The following MGAT4C variants were observed in gnomAD, a reference collection of about 807,000 sequenced individuals.
MGAT4C encodes the protein MGAT4 family member C.
MGAT4C carries 19 observed loss-of-function variants against 40.1 expected under a neutral mutation model. That is an observed-to-expected ratio of 0.47 (90% CI 0.33 to 0.70). MGAT4C has a LOEUF of 0.70. Ranked by LOEUF, MGAT4C falls within the 30% of genes least tolerant of loss-of-function variation. The probability of loss-of-function intolerance (pLI) is 0.02; values close to 1 mark genes in which losing one functional copy is unlikely to be tolerated. For synonymous variants in MGAT4C, 181 were observed against 187.1 expected (o/e 0.97, Z 0.27); for missense variants, 491 against 563.2 (o/e 0.87, Z 1.30).
intron 3 of MGAT4C, among the ~76,000 whole-genome samples, chr12:86,426,040 T>C (rs1434196313): frequency 6.6e-6 from 1 of 152,206 alleles, no homozygotes; most frequent in Non-Finnish European, 1.5e-5. Context: ...AAGCAAACTA[T>C]GTTAATGCAA....
rs1183714286 is a variant in MGAT4C, at chr12:86,784,248, G to A, written c.-262+54418C>T. Among the ~76,000 whole-genome samples the A allele has an allele frequency of 2.0e-5, 3 of 152,180 alleles. No homozygotes were observed. In the East Asian group the frequency reaches 5.8e-4, roughly 29 times the overall value. On this transcript the variant is annotated intron_variant, in intron 1 of 7. Coordinates refer to the MGAT4C transcript ENST00000548651. ...TGTCTTTAGAGAAGTTTCAACAGGA[G>A]ATGGAAAAAGAGATATGGAGTGATG...
intron 2 of MGAT4C, among the ~76,000 whole-genome samples, chr12:86,511,034 A>AT (rs1455283640): frequency 6.6e-6 from 1 of 152,220 alleles, no homozygotes; most frequent in Non-Finnish European, 1.5e-5. Context: ...TCGACAGAAT[A>AT]TACATTTTTT....
chr12:86,009,055 T>C (rs1316900681), intron 2 of MGAT4C, among the ~76,000 whole-genome samples: 1 of 152,194 alleles, frequency 6.6e-6, no homozygotes, highest in African/African-American at 2.4e-5. Flanking sequence ...TTTCCAATAT[T>C]GTTGTCAGCT....
Position 85,989,473 on chromosome 12 carries a change from G to T in MGAT4C, c.74C>A (p.Thr25Lys), listed in dbSNP as rs757749414. ...DKMRCLRKRS[T>K]VSFLGVLVIF... ...GACAAGAACTCCCAAGAATGACACT[G>T]TAGAACGTTTTCTCAGGCATCTCAT... is the stretch of plus-strand genomic sequence containing the variant. Residue 25 changes from threonine (T) to lysine (K), a missense_variant, in exon 3 of 5, where the codon ACA becomes AAA. Transcript: ENST00000611864. 1.9e-6 allele frequency: 3 copies of T among 1,607,332 alleles called. No homozygotes were observed. The highest frequency in any genetic ancestry group is 2.6e-6 in the Non-Finnish European group (3 of 1,175,636).
chr12:86,779,014 A>T (rs35101278), intron 1 of MGAT4C, among the ~76,000 whole-genome samples: 57,790 of 149,030 alleles, frequency 0.39, 11,266 homozygotes, highest in Non-Finnish European at 0.42. Flanking sequence ...ATTTCACTAA[A>T]AAAAAAAAAA....
chr12:86,325,581 TA>T (rs1030030187), intron 4 of MGAT4C, among the ~76,000 whole-genome samples: 1 of 152,122 alleles, frequency 6.6e-6, no homozygotes, highest in African/African-American at 2.4e-5. Flanking sequence ...TTAAAACAAT[TA>T]AAATAGTGCT....
intron 2 of MGAT4C, among the ~76,000 whole-genome samples, chr12:86,701,231 T>G (rs1300008479): frequency 1.3e-5 from 2 of 152,108 alleles, no homozygotes; most frequent in Non-Finnish European, 2.9e-5. Context: ...CTTGTAGATG[T>G]TACTTTTTTT....
intron 2 of MGAT4C, among the ~76,000 whole-genome samples, chr12:86,522,026 C>A (rs1958803221): frequency 6.6e-6 from 1 of 151,998 alleles, no homozygotes; most frequent in African/African-American, 2.4e-5. Flanking sequence ...GTTTTCTAGA[C>A]AAAGCATCAT....
intron 2 of MGAT4C, among the ~76,000 whole-genome samples, chr12:86,461,293 C>T (rs1006407265): frequency 7.0e-6 from 1 of 142,544 alleles, no homozygotes; most frequent in Admixed American, 7.3e-5. Context: ...GGTCGGACTG[C>T]GGACTGCAGT....
chr12:86,455,865 T>C (rs1957501751), intron 2 of MGAT4C, among the ~76,000 whole-genome samples: 2 of 152,022 alleles, frequency 1.3e-5, no homozygotes, highest in African/African-American at 4.8e-5. Context: ...TTTCATTCAG[T>C]ACCCTGTCAA....
chr12:86,280,121 C>A (rs1445603293), intron 4 of MGAT4C, among the ~76,000 whole-genome samples: 1 of 151,964 alleles, frequency 6.6e-6, no homozygotes, highest in Non-Finnish European at 1.5e-5. Context: ...ATGAAATATT[C>A]TGTAAATATT....
chr12:86,530,176 T>G (rs1286255660), intron 2 of MGAT4C, among the ~76,000 whole-genome samples: 1 of 152,042 alleles, frequency 6.6e-6, no homozygotes, highest in Non-Finnish European at 1.5e-5. Context: ...GTCGTTGTTA[T>G]GCAATCTTCT....
Position 86,609,247 on chromosome 12 carries a change from T to C in MGAT4C, c.-229+117962A>G, listed in dbSNP as rs17014044. ...TCAAAGACTCAGATTATCTACCAAA[T>C]TGACTCAGAATAAGGACATGACTGT... is the stretch of plus-strand genomic sequence containing the variant. On this transcript the variant is annotated intron_variant, in intron 2 of 7. Transcript: ENST00000548651. Among the ~76,000 whole-genome samples, 532 of 152,124 alleles carry C rather than the reference T, an allele frequency of 3.5e-3. 4 individuals are homozygous for C. The highest frequency in any genetic ancestry group is 0.012 in the African/African-American group (517 of 41,526).
intron 2 of MGAT4C, among the ~76,000 whole-genome samples, chr12:86,629,816 C>T (rs942898211): frequency 1.3e-5 from 2 of 151,932 alleles, no homozygotes; most frequent in African/African-American, 2.4e-5. Context: ...GATCTAAAAT[C>T]GACACCCTAA....
chr12:86,542,161 G>C (rs991414940), intron 2 of MGAT4C, among the ~76,000 whole-genome samples: 2 of 152,256 alleles, frequency 1.3e-5, no homozygotes, highest in Non-Finnish European at 2.9e-5. Context: ...AATCTGAAAC[G>C]CTGGGGAAAT....
intron 2 of MGAT4C, among the ~76,000 whole-genome samples, chr12:86,018,488 T>C (rs1384612490): frequency 6.6e-6 from 1 of 152,178 alleles, no homozygotes; most frequent in African/African-American, 2.4e-5. Context: ...TTTTTTACTT[T>C]GTTTTGTGGA....
rs374601184 is a variant in MGAT4C, at chr12:86,172,963, A to G, written c.-57+83276T>C. 3.4e-4 allele frequency among the ~76,000 whole-genome samples: 52 copies of G among 152,264 alleles called. No homozygotes were observed. In the South Asian group the frequency reaches 9.7e-3, roughly 28 times the overall value. ...TTATAGAGTCATTACATTTTAAAAT[A>G]CAATCATAAAATTATATGCATAGAG... On this transcript the variant is annotated intron_variant, in intron 1 of 4. Coordinates refer to ENST00000611864, the MANE Select transcript of MGAT4C (RefSeq NM_001351288.2).
At chr12:86,608,928 C>T (rs1962144103) in intron 2 of MGAT4C, among the ~76,000 whole-genome samples, 3 of 152,050 alleles carry the variant, frequency 2.0e-5, no homozygotes. Flanking sequence ...CTTTTGCATA[C>T]TGTTGTATGA....
At chr12:86,337,439 T>G (rs891113679) in intron 3 of MGAT4C, among the ~76,000 whole-genome samples, 9 of 151,528 alleles carry the variant, frequency 5.9e-5, no homozygotes, top group African/African-American at 2.2e-4. Context: ...ACTTAAAAAA[T>G]GTAAAAATTA....
Sources: allele counts gnomAD v4.1 joint callset (sites outside exome capture counted in the v4.1 genomes callset), GRCh38; gene constraint gnomAD v4.1.1; transcripts MANE v1.5; gene names NCBI Gene and HGNC (gene_info 2026-07-23, HGNC 2026-07-21).